Variants in ZNF710 observed in about 807,000 individuals in gnomAD.
The protein encoded by ZNF710 is zinc finger protein 710.
Under a neutral mutation model 50.6 loss-of-function variants are expected in ZNF710, and 13 were observed. That is an observed-to-expected ratio of 0.26 (90% CI 0.17 to 0.41). The LOEUF is 0.41. Among genes scored for constraint, ZNF710 ranks in the 10% least tolerant of loss-of-function variants. ZNF710 has a pLI of 1.00. For missense variants in ZNF710, 721 were observed against 936.6 expected (o/e 0.77, Z 3.01); for synonymous variants, 383 against 397.0 (o/e 0.96, Z 0.42).
intron 1 of ZNF710, among the ~76,000 whole-genome samples, chr15:90,003,578 G>A (rs1329663370): frequency 6.6e-6 from 1 of 152,186 alleles, no homozygotes; most frequent in Non-Finnish European, 1.5e-5. Flanking sequence ...TGGGAGAAGG[G>A]AAGAAGAAAA....
chr15:90,003,576 G>C (rs1458400760), intron 1 of ZNF710, among the ~76,000 whole-genome samples: 1 of 152,208 alleles, frequency 6.6e-6, no homozygotes, highest in Non-Finnish European at 1.5e-5. Flanking sequence ...CGTGGGAGAA[G>C]GGAAGAAGAA....
chr15:90,013,585 GAACCT>G (rs1895681299), intron 1 of ZNF710, among the ~76,000 whole-genome samples: 1 of 152,116 alleles, frequency 6.6e-6, no homozygotes, highest in South Asian at 2.1e-4. Flanking sequence ...TTGACAACCA[GAACCT>G]AAACCCACAT....
At chr15:90,024,606 G>A (rs1014587552) in intron 1 of ZNF710, among the ~76,000 whole-genome samples, 3 of 152,262 alleles carry the variant, frequency 2.0e-5, no homozygotes, top group African/African-American at 7.2e-5. Context: ...TCACCTGCTT[G>A]TGAAATGATG....
At chr15:90,063,929 C>G (rs1478950019) in intron 1 of ZNF710, among the ~76,000 whole-genome samples, 1 of 152,168 alleles carries the variant, frequency 6.6e-6, no homozygotes, top group Non-Finnish European at 1.5e-5. Context: ...AGTCAGGAGC[C>G]TCTTCCCCCC....
chr15:90,060,127 G>T (rs932720876), intron 1 of ZNF710, among the ~76,000 whole-genome samples: 1 of 12,330 alleles, frequency 8.1e-5, no homozygotes, highest in East Asian at 1.9e-3. Flanking sequence ...TGCAGCCCCC[G>T]CCTCCCAGAG....
intron 1 of ZNF710, among the ~76,000 whole-genome samples, chr15:90,044,656 G>T (rs745423631): frequency 5.3e-5 from 8 of 152,174 alleles, no homozygotes; most frequent in Non-Finnish European, 8.8e-5. Context: ...GAACAGTTTG[G>T]TTTTTTCCCT....
chr15:90,045,913 T>C (rs1458099201), intron 1 of ZNF710, among the ~76,000 whole-genome samples: 1 of 152,082 alleles, frequency 6.6e-6, no homozygotes, highest in Non-Finnish European at 1.5e-5. Context: ...ATTTCTGCCC[T>C]GTAGAAGGGG....
At chr15:90,015,948 A>G (rs1258331837) in intron 1 of ZNF710, among the ~76,000 whole-genome samples, 1 of 152,174 alleles carries the variant, frequency 6.6e-6, no homozygotes, top group Non-Finnish European at 1.5e-5. Context: ...TAAAGAATGG[A>G]CACGCCCTAT....
chr15:90,019,187 C>CTTTTTTT lies in ZNF710; in HGVS notation c.-29+17589_-29+17595dup, dbSNP rs11285838. Among the ~76,000 whole-genome samples the CTTTTTTT allele has an allele frequency of 6.3e-4, 56 of 89,356 alleles. 1 individual carries two copies. The highest frequency in any genetic ancestry group is 1.1e-3 in the African/African-American group (25 of 22,402). The allele number at this position is 89,356 out of a possible 152,430, so 58.6% of individuals were successfully genotyped here. The stretch of plus-strand genomic sequence containing the variant: ...TGTACCATCTTATTACTTTTTCTTT[C>CTTTTTTT]TTTTTTTTTTTTTTTTTTTTTTGCT... On this transcript the variant is annotated intron_variant, in intron 1 of 4. Coordinates refer to ENST00000268154, the MANE Select transcript of ZNF710 (RefSeq NM_198526.4).
At chr15:90,000,155 TC>T (rs1206140575), upstream of ZNF710, among the ~76,000 whole-genome samples, 1 of 152,156 alleles carries the variant, frequency 6.6e-6, no homozygotes, top group Admixed American at 6.5e-5. Flanking sequence ...TTGGGAACTT[TC>T]CCCCGTCTTC....
chr15:90,008,451 T>TATACATATATATAC (rs1387078607), intron 1 of ZNF710, among the ~76,000 whole-genome samples: 5 of 140,570 alleles, frequency 3.6e-5, no homozygotes, highest in Admixed American at 6.9e-5. Context: ...CATATATATA[T>TATACATATATATAC]ATGTATATAT....
Position 90,006,409 on chromosome 15 carries a change from C to G in ZNF710, c.-29+4795C>G, listed in dbSNP as rs548621282. ...GCCTGCTCCAGGATGCTGGCCCAGC[C>G]TGTTCCAGACCACAGCAGCTCCTCA... On this transcript the variant is annotated intron_variant, in intron 1 of 4. Transcript: ENST00000268154. Among the ~76,000 whole-genome samples, 135 of 152,314 alleles carry G rather than the reference C, an allele frequency of 8.9e-4. 3 individuals carry two copies. The South Asian group carries it at 0.021, about 24-fold the overall frequency.
In ZNF710 at chr15:90,034,435, TG is replaced by T. The variant is rs1899049719; in HGVS notation, c.-28-32674del. On this transcript the variant is annotated intron_variant, in intron 1 of 4. Coordinates refer to ENST00000268154, the MANE Select transcript of ZNF710 (RefSeq NM_198526.4). The surrounding 1 kb of genome is among the most constrained non-coding windows in gnomAD (Gnocchi z 4.0). The stretch of plus-strand genomic sequence containing the variant: ...CTTCCTGTTTCCAAATTCCTGTGTG[TG>T]TGTGTGTGTGTGTGTGTGTGTGTGT... Among the ~76,000 whole-genome samples the T allele has an allele frequency of 8.9e-6, 1 of 112,142 alleles. No individual in the cohort carries two copies. Among genetic ancestry groups the T allele is most frequent in the Non-Finnish European group, 1.7e-5 (1 of 58,592 alleles). The allele number at this position is 112,142 out of a possible 152,430, so 73.6% of individuals were successfully genotyped here.
chr15:90,026,439 C>G (rs375933177), intron 1 of ZNF710, among the ~76,000 whole-genome samples: 2 of 152,056 alleles, frequency 1.3e-5, no homozygotes, highest in Non-Finnish European at 2.9e-5. Flanking sequence ...CAATCCTTAT[C>G]GAAGCATTGC....
intron 1 of ZNF710, among the ~76,000 whole-genome samples, chr15:90,029,142 A>G (rs1898860131): frequency 1.3e-5 from 2 of 152,234 alleles, no homozygotes; most frequent in Non-Finnish European, 2.9e-5. Context: ...GCCTACTCCC[A>G]TGCCTGGCAA....
chr15:90,027,203 C>G lies in ZNF710; in HGVS notation c.-29+25589C>G, dbSNP rs115615683. ...TGACTACCTTAAAAAATTGTAACTTCTTTTTCTTCTTCTGTTTTTTTTTTG... is the reference window on the plus strand; with the variant it reads ...TGACTACCTTAAAAAATTGTAACTTGTTTTTCTTCTTCTGTTTTTTTTTTG... On this transcript the variant is annotated intron_variant, in intron 1 of 4. Coordinates refer to ENST00000268154, the MANE Select transcript of ZNF710 (RefSeq NM_198526.4). Among the ~76,000 whole-genome samples the G allele has an allele frequency of 9.1e-3, 1,391 of 152,052 alleles. 20 individuals are homozygous for G. The highest frequency in any genetic ancestry group is 0.032 in the African/African-American group (1,322 of 41,466).
intron 1 of ZNF710, among the ~76,000 whole-genome samples, chr15:90,052,728 C>T (rs1188812417): frequency 1.3e-5 from 2 of 152,138 alleles, no homozygotes; most frequent in African/African-American, 4.8e-5. Flanking sequence ...GTCAGGAGTT[C>T]GAGACCAGCC....
rs538477967 is a variant in ZNF710 at position 90,062,893 on chromosome 15, G to A, written c.-28-4217G>A. Among the ~76,000 whole-genome samples the A allele has an allele frequency of 5.3e-5, 8 of 152,316 alleles. No homozygotes were observed. The highest frequency in any genetic ancestry group is 1.9e-4 in the African/African-American group (8 of 41,576). On this transcript the variant is annotated intron_variant, in intron 1 of 4. Coordinates refer to ENST00000268154, the MANE Select transcript of ZNF710 (RefSeq NM_198526.4). This position sits in a 1 kb window ranked among gnomAD's most constrained non-coding sequence, Gnocchi z 5.6. ...GCCGCCCCAGTGAACAAGACAACAT[G>A]GACACGGGGCCTGCCCCCATAAGCC... is the stretch of plus-strand genomic sequence containing the variant.
chr15:90,036,050 C>T (rs528417089), intron 1 of ZNF710, among the ~76,000 whole-genome samples: 4 of 152,208 alleles, frequency 2.6e-5, no homozygotes, highest in Non-Finnish European at 5.9e-5. Flanking sequence ...CTGAGACGCA[C>T]TCGCCCCATC....
Sources: gnomAD v4.1 joint callset for allele counts (sites outside exome capture counted in the v4.1 genomes callset) on GRCh38, gnomAD v4.1.1 for gene constraint, Gnocchi (gnomAD v3.1) non-coding constraint, MANE v1.5 for transcripts, NCBI Gene and HGNC (gene_info 2026-07-23, HGNC 2026-07-21) for gene names.